Variants in CAST observed in about 807,000 individuals in gnomAD.
The protein encoded by CAST is calpastatin, also known as MIR583 host.
In CAST, 76 loss-of-function variants were observed where a neutral mutation model predicts 119.6. The observed-to-expected ratio is 0.64, with a 90% CI of 0.53 to 0.77. CAST has a LOEUF of 0.77. Ranked by LOEUF, CAST falls within the 30% of genes least tolerant of loss-of-function variation. The probability of loss-of-function intolerance (pLI) is 0.00; values close to 1 mark genes in which losing one functional copy is unlikely to be tolerated. For missense variants in CAST, 953 were observed against 946.5 expected (o/e 1.01, Z -0.09); for synonymous variants, 319 against 331.6 (o/e 0.96, Z 0.41).
intron 26 of CAST, among the ~76,000 whole-genome samples, chr5:96,765,771 A>T (rs1769712466): frequency 6.6e-6 from 1 of 152,132 alleles, no homozygotes; most frequent in African/African-American, 2.4e-5. Flanking sequence ...ATCTCCTAAC[A>T]TGGTTTCTGA....
the CAST span, among the ~76,000 whole-genome samples, chr5:96,499,986 T>G: frequency 6.6e-6 from 1 of 152,082 alleles, no homozygotes. Flanking sequence ...CCTCAGGGAA[T>G]AGGGAGACCA....
At chr5:96,523,633 A>G (rs1745552503), upstream of CAST, among the ~76,000 whole-genome samples, 1 of 152,194 alleles carries the variant, frequency 6.6e-6, no homozygotes, top group South Asian at 2.1e-4. Flanking sequence ...GTCTGCAGGC[A>G]GGCAGTGCAG....
chr5:96,757,691 T>G, intron 24 of CAST, 37 bp downstream of exon 24: 1 of 1,402,372 alleles, frequency 7.1e-7, no homozygotes, highest in Non-Finnish European at 9.9e-7. Context: ...TCTTTAGTTT[T>G]TTTTTTTTTT....
chr5:96,078,488 G>C, the CAST span, among the ~76,000 whole-genome samples: 2 of 151,930 alleles, frequency 1.3e-5, no homozygotes, highest in Non-Finnish European at 2.9e-5. Flanking sequence ...CCGCCTCCCA[G>C]GTTCAAGCAA....
chr5:96,602,210 T>A lies in CAST; in HGVS notation c.60+72330T>A, dbSNP rs756439348. ...GGACGGCTGAAACAGTAATATGACA[T>A]GACAAGTGTACATAGCTAATGTTAT... On this transcript the variant is annotated intron_variant, in intron 1 of 11. Coordinates refer to the CAST transcript ENST00000505143. Among the ~76,000 whole-genome samples the A allele has an allele frequency of 3.9e-5, 6 of 152,332 alleles. No individual in the cohort carries two copies. In the South Asian group the frequency reaches 1.2e-3, roughly 32 times the overall value.
chr5:96,129,214 T>A, the CAST span, among the ~76,000 whole-genome samples: 2 of 152,182 alleles, frequency 1.3e-5, no homozygotes, highest in Non-Finnish European at 2.9e-5. Flanking sequence ...ATATTCATTC[T>A]TAATATCCCC....
At chr5:96,500,606 ATTGCTT>A in the CAST span, among the ~76,000 whole-genome samples, 5 of 152,148 alleles carry the variant, frequency 3.3e-5, no homozygotes, top group Non-Finnish European at 7.3e-5. Context: ...AGTTTCAGAT[ATTGCTT>A]TTGTGTGCAA....
chr5:95,962,235 G>A, the CAST span, among the ~76,000 whole-genome samples: 2 of 152,258 alleles, frequency 1.3e-5, no homozygotes, highest in Non-Finnish European at 2.9e-5. Flanking sequence ...CAGAATTGGG[G>A]AATCTCGCCC....
At chr5:96,538,258 C>G (rs1262175950) in intron 1 of CAST, among the ~76,000 whole-genome samples, 1 of 152,128 alleles carries the variant, frequency 6.6e-6, no homozygotes, top group Non-Finnish European at 1.5e-5. Flanking sequence ...ATACAATTAC[C>G]AGTTAATTTG....
At chr5:96,174,888 T>C in the CAST span, among the ~76,000 whole-genome samples, 41 of 152,314 alleles carry the variant, frequency 2.7e-4, no homozygotes, top group African/African-American at 9.6e-4. Flanking sequence ...TTTCAATCTT[T>C]AATGAAATCA....
the CAST span, among the ~76,000 whole-genome samples, chr5:96,469,892 A>AATATATATATATAT: frequency 2.7e-5 from 4 of 147,448 alleles, no homozygotes; most frequent in Non-Finnish European, 4.5e-5. Flanking sequence ...ATATATATAC[A>AATATATATATATAT]CACACATATA....
chr5:96,045,735 T>A, the CAST span, among the ~76,000 whole-genome samples: 2 of 152,162 alleles, frequency 1.3e-5, no homozygotes, highest in Admixed American at 6.5e-5. Context: ...ACATAGTAAA[T>A]AGCAGAGTGA....
the CAST span, among the ~76,000 whole-genome samples, chr5:95,972,863 C>A: frequency 6.6e-6 from 1 of 152,130 alleles, no homozygotes; most frequent in Non-Finnish European, 1.5e-5. Flanking sequence ...AAGTTTATGG[C>A]CCATTTCAAG....
the CAST span, among the ~76,000 whole-genome samples, chr5:96,251,008 C>T: frequency 2.6e-5 from 4 of 151,778 alleles, no homozygotes; most frequent in African/African-American, 7.3e-5. Flanking sequence ...TACAAAGGTA[C>T]GAAGGTACAA....
intron 3 of CAST, among the ~76,000 whole-genome samples, chr5:96,713,296 T>C (rs1756562046): frequency 6.6e-6 from 1 of 152,050 alleles, no homozygotes; most frequent in South Asian, 2.1e-4. Context: ...CATGCCCAGC[T>C]AACTTTCTGT....
At chr5:96,663,017 C>T (rs572200483) in intron 1 of CAST, 2 of 685,716 alleles carry the variant, frequency 2.9e-6, no homozygotes, top group East Asian at 2.7e-5. Context: ...TTGGGATGTG[C>T]GGAGCTCAGT....
intron 19 of CAST, among the ~76,000 whole-genome samples, chr5:96,750,285 A>G (rs1171626521): frequency 6.6e-6 from 1 of 152,178 alleles, no homozygotes; most frequent in Admixed American, 6.5e-5. Flanking sequence ...TGTCTTATAT[A>G]GGCCTCTTAC....
chr5:96,448,518 C>T, the CAST span, among the ~76,000 whole-genome samples: 1 of 152,184 alleles, frequency 6.6e-6, no homozygotes, highest in African/African-American at 2.4e-5. Context: ...CCCCTATTGA[C>T]TGTTATAGCT....
At chr5:96,011,488 T>A in the CAST span, among the ~76,000 whole-genome samples, 1 of 152,196 alleles carries the variant, frequency 6.6e-6, no homozygotes, top group Non-Finnish European at 1.5e-5. Flanking sequence ...AAGATTTAGT[T>A]GTTTTAGTGA....
Sources: gnomAD v4.1 joint callset for allele counts (sites outside exome capture counted in the v4.1 genomes callset) on GRCh38, gnomAD v4.1.1 for gene constraint, MANE v1.5 for transcripts, NCBI Gene and HGNC (gene_info 2026-07-23, HGNC 2026-07-21) for gene names.